APBB1IP: variants seen among roughly 807,000 people sequenced by gnomAD.
APBB1IP encodes amyloid beta precursor protein binding family B member 1 interacting protein.
Under a neutral mutation model 64.9 loss-of-function variants are expected in APBB1IP, and 27 were observed. The observed-to-expected ratio is 0.42, with a 90% confidence interval of 0.31 to 0.57. APBB1IP has a LOEUF of 0.57. Ranked by LOEUF, APBB1IP falls within the 20% of genes least tolerant of loss-of-function variation. The pLI, the probability that APBB1IP is intolerant of heterozygous loss-of-function variation, is 0.20. For missense variants in APBB1IP, 812 were observed against 845.5 expected, an observed-to-expected ratio of 0.96 and a Z score of 0.49; for synonymous variants, 392 against 331.0, an observed-to-expected ratio of 1.18 and a Z score of -2.00.
At chr10:26,551,788 G>A (rs1167913556) in intron 11 of APBB1IP, among the ~76,000 whole-genome samples, 1 of 152,172 alleles carries the variant, frequency 6.6e-6, no homozygotes. Flanking sequence ...GAATATAAAT[G>A]TCATGAGAGC....
rs1836087373 is a variant in APBB1IP, at chr10:26,500,834, T to C, written c.176T>C (p.Leu59Pro). 2.5e-6 allele frequency: 4 copies of C among 1,613,712 alleles called. No homozygotes were observed. The highest frequency in any genetic ancestry group is 3.4e-6 in the Non-Finnish European group (4 of 1,179,620). Residue 59 changes from leucine (L) to proline (P), a missense_variant, in exon 5 of 15, where the codon CTG becomes CCG. Physicochemically the swap from Leu to Pro is moderately conservative, Grantham distance 98 (BLOSUM62 -3). Around this residue, in one of 3 missense-constraint regions of APBB1IP, gnomAD observed 394 missense variants for 413.1 expected, o/e 0.95. Coordinates refer to ENST00000376236, the MANE Select transcript of APBB1IP (RefSeq NM_019043.4). ...FKDLNESLNA[L>P]EDQDLDALMA... Reference sequence around the variant, plus strand: ...TCCCTACTAGAGTCCTTAAATGCACTGGAAGACCAAGATTTAGATGCTCTC... The same window carrying C: ...TCCCTACTAGAGTCCTTAAATGCACCGGAAGACCAAGATTTAGATGCTCTC...
chr10:26,556,841 A>G (rs1448807089), intron 11 of APBB1IP, among the ~76,000 whole-genome samples: 1 of 152,172 alleles, frequency 6.6e-6, no homozygotes, highest in South Asian at 2.1e-4. Flanking sequence ...TAAACATTCA[A>G]TTGCTGAAGA....
chr10:26,553,026 T>C (rs1588617241), intron 11 of APBB1IP, among the ~76,000 whole-genome samples: 1 of 152,228 alleles, frequency 6.6e-6, no homozygotes, highest in African/African-American at 2.4e-5. Context: ...CCTCAACTTT[T>C]TTTTTCTTTT....
chr10:26,546,935 A>G (rs912661648), intron 11 of APBB1IP, among the ~76,000 whole-genome samples: 10 of 152,188 alleles, frequency 6.6e-5, no homozygotes, highest in African/African-American at 1.4e-4. Flanking sequence ...ACTGGATCAT[A>G]TGGTAGATGT....
intron 2 of APBB1IP, among the ~76,000 whole-genome samples, chr10:26,489,531 G>A (rs770305939): frequency 4.6e-5 from 7 of 152,170 alleles, no homozygotes; most frequent in Non-Finnish European, 8.8e-5. Context: ...TGGAGGATAT[G>A]CACTGATTCA....
intron 6 of APBB1IP, among the ~76,000 whole-genome samples, chr10:26,508,950 A>G (rs1480876820): frequency 1.3e-5 from 2 of 152,228 alleles, no homozygotes; most frequent in Non-Finnish European, 2.9e-5. Flanking sequence ...CCTAAGCAGG[A>G]TTGAGATGTA....
intron 2 of APBB1IP, among the ~76,000 whole-genome samples, chr10:26,456,444 A>G (rs1835526179): frequency 6.6e-6 from 1 of 152,170 alleles, no homozygotes; most frequent in Admixed American, 6.6e-5. Context: ...GGGTTGGACT[A>G]TGGAAAAATT....
intron 2 of APBB1IP, among the ~76,000 whole-genome samples, chr10:26,446,895 G>GAA (rs750683821): frequency 0.01 from 955 of 93,936 alleles, 10 homozygotes; most frequent in African/African-American, 0.048. Context: ...GATAGAAATA[G>GAA]ATAGATATGG....
rs368818570 is a variant in APBB1IP at position 26,536,024 on chromosome 10, C to T, written c.901-50C>T. On this transcript the variant is annotated intron_variant, in intron 9 of 14. Transcript: ENST00000376236. ...AAGTTTTTAAATGTGAATAAAAATG[C>T]GTGCTTTATCTTTCGTGTGTGTCTT... 1.3e-5 allele frequency: 20 copies of T among 1,512,772 alleles called. No individual in the cohort carries two copies. In the African/African-American group the frequency reaches 1.4e-4, roughly 11 times the overall value. 93.7% of individuals were successfully genotyped at this position (1,512,772 alleles called of 1,614,324 possible).
intron 2 of APBB1IP, among the ~76,000 whole-genome samples, chr10:26,466,018 T>C (rs1011996797): frequency 3.9e-5 from 6 of 152,164 alleles, no homozygotes; most frequent in Non-Finnish European, 8.8e-5. Flanking sequence ...AGGGCTAGCT[T>C]GTATCAGCTC....
At chr10:26,444,482 T>C (rs1835370533) in intron 2 of APBB1IP, among the ~76,000 whole-genome samples, 1 of 152,148 alleles carries the variant, frequency 6.6e-6, no homozygotes, top group Admixed American at 6.5e-5. Flanking sequence ...GCGTATATTT[T>C]GAAGGAGAGC....
intron 9 of APBB1IP, among the ~76,000 whole-genome samples, chr10:26,534,367 C>A (rs11015155): frequency 0.24 from 35,821 of 150,436 alleles, 4,994 homozygotes; most frequent in Middle Eastern, 0.33. Context: ...AGTGCCAGAT[C>A]TCAAATCACA....
At chr10:26,464,785 C>T (rs1017896402) in intron 2 of APBB1IP, among the ~76,000 whole-genome samples, 12 of 152,168 alleles carry the variant, frequency 7.9e-5, no homozygotes, top group African/African-American at 2.9e-4. Flanking sequence ...AAGTAAGTTA[C>T]TCAACATCAT....
intron 3 of APBB1IP, among the ~76,000 whole-genome samples, chr10:26,492,795 G>T (rs1432527663): frequency 6.6e-6 from 1 of 152,176 alleles, no homozygotes; most frequent in Non-Finnish European, 1.5e-5. Context: ...AGGTCACAAG[G>T]TCAGGGAGAA....
chr10:26,467,708 T>C (rs1333778465), intron 2 of APBB1IP, among the ~76,000 whole-genome samples: 3 of 152,128 alleles, frequency 2.0e-5, no homozygotes, highest in Non-Finnish European at 2.9e-5. Flanking sequence ...GCAATAATAC[T>C]TTTGAGGTGG....
intron 10 of APBB1IP, among the ~76,000 whole-genome samples, chr10:26,540,074 C>A (rs1250687705): frequency 6.6e-6 from 1 of 152,188 alleles, no homozygotes; most frequent in Non-Finnish European, 1.5e-5. Context: ...ATGGCAACTC[C>A]ATGCTTGACG....
intron 2 of APBB1IP, among the ~76,000 whole-genome samples, chr10:26,474,664 G>A (rs888130755): frequency 6.6e-6 from 1 of 152,170 alleles, no homozygotes; most frequent in Non-Finnish European, 1.5e-5. Flanking sequence ...AAAATAAATT[G>A]TCTTCCTTGC....
intron 2 of APBB1IP, among the ~76,000 whole-genome samples, chr10:26,440,526 C>T (rs1381595878): frequency 2.6e-5 from 4 of 152,078 alleles, no homozygotes; most frequent in African/African-American, 9.7e-5. Flanking sequence ...GGCAAATTTC[C>T]ATCTTATTTG....
intron 11 of APBB1IP, among the ~76,000 whole-genome samples, chr10:26,542,981 A>T (rs1411966885): frequency 6.8e-6 from 1 of 146,316 alleles, no homozygotes; most frequent in Non-Finnish European, 1.5e-5. Flanking sequence ...TAGGCCAGGT[A>T]TGCTGCTAAA....
Sources: gnomAD v4.1 joint callset for allele counts (sites outside exome capture counted in the v4.1 genomes callset) on GRCh38, gnomAD v4.1.1 for gene constraint, gnomAD v4.1.1 regional missense constraint, MANE v1.5 for transcripts, NCBI Gene and HGNC (gene_info 2026-07-23, HGNC 2026-07-21) for gene names.